SLC4A7: variants seen among roughly 807,000 people sequenced by gnomAD.
SLC4A7 encodes the protein solute carrier family 4 member 7.
In SLC4A7, 51 loss-of-function variants were observed where a neutral mutation model predicts 137.6. The observed-to-expected ratio is 0.37, with a 90% CI of 0.30 to 0.47. SLC4A7 has a LOEUF of 0.47. Ranked by LOEUF, SLC4A7 falls within the 20% of genes least tolerant of loss-of-function variation. The probability of loss-of-function intolerance (pLI) is 1.00; values close to 1 mark genes in which losing one functional copy is unlikely to be tolerated. For missense variants in SLC4A7, 1,247 were observed against 1,525.4 expected (o/e 0.82, Z 3.04); for synonymous variants, 542 against 518.6 (o/e 1.05, Z -0.61).
At chr3:27,426,028 C>G (rs2055576894) in intron 7 of SLC4A7, among the ~76,000 whole-genome samples, 1 of 152,130 alleles carries the variant, frequency 6.6e-6, no homozygotes, top group South Asian at 2.1e-4. Context: ...ATCAGATATA[C>G]CTGACACATC....
In SLC4A7 at chr3:27,436,484, T is replaced by C. The variant is rs1162211263; in HGVS notation, c.493A>G (p.Thr165Ala). ...GDRWSKPYVA[T>A]LSLHSLFELR... ...TCAAAAAGACTGTGCAAAGAGAGAG[T>C]TGCCACATAAGGTTTACTCCATCGG... The change falls in exon 5 of 26, where the codon ACT (threonine) becomes GCT (alanine). Residue 165 changes from threonine to alanine, a missense_variant. Coordinates refer to ENST00000454389, the MANE Select transcript of SLC4A7 (RefSeq NM_001321103.2). 9.9e-6 allele frequency: 16 copies of C among 1,613,314 alleles called. No individual in the cohort carries two copies. Among genetic ancestry groups the C allele is most frequent in the East Asian group, 2.2e-5 (1 of 44,852 alleles).
rs187422864 is a variant in SLC4A7, at chr3:27,456,159, G to C, written c.61-3661C>G. On this transcript the variant is annotated intron_variant, in intron 1 of 25. Coordinates refer to ENST00000454389, the MANE Select transcript of SLC4A7 (RefSeq NM_001321103.2). ...TTAAAAGACACCTTTAAAATATAGT[G>C]TCTAATATCCTTTTGACACCCTAAG... Among the ~76,000 whole-genome samples the C allele has an allele frequency of 9.8e-4, 149 of 152,202 alleles. 1 individual carries two copies. Among genetic ancestry groups the C allele is most frequent in the Middle Eastern group, 3.4e-3 (1 of 294 alleles).
intron 1 of SLC4A7, among the ~76,000 whole-genome samples, chr3:27,469,141 T>C (rs1176267613): frequency 6.6e-6 from 1 of 152,026 alleles, no homozygotes; most frequent in Admixed American, 6.6e-5. Flanking sequence ...ATACTAGGTA[T>C]TAGTACTCTT....
At chr3:27,465,285 G>A (rs1459309718) in intron 1 of SLC4A7, among the ~76,000 whole-genome samples, 14 of 97,840 alleles carry the variant, frequency 1.4e-4, no homozygotes, top group African/African-American at 5.6e-4. Flanking sequence ...GCAAGACTCC[G>A]TCTCAAAAAA....
intron 1 of SLC4A7, among the ~76,000 whole-genome samples, chr3:27,475,234 T>C (rs933038457): frequency 6.6e-6 from 1 of 151,886 alleles, no homozygotes; most frequent in Non-Finnish European, 1.5e-5. Flanking sequence ...TCTACAATTT[T>C]ATTATGTAGG....
intron 12 of SLC4A7, among the ~76,000 whole-genome samples, chr3:27,411,417 A>G (rs2053887778): frequency 6.6e-6 from 1 of 151,906 alleles, no homozygotes; most frequent in African/African-American, 2.4e-5. Flanking sequence ...CTGAATATAC[A>G]GTCCATTATT....
At chr3:27,458,425 G>C (rs1014119954) in intron 1 of SLC4A7, among the ~76,000 whole-genome samples, 1 of 152,126 alleles carries the variant, frequency 6.6e-6, no homozygotes, top group Non-Finnish European at 1.5e-5. Flanking sequence ...CTGACTGTAC[G>C]TAACAGGTGA....
rs6799847 is a variant in SLC4A7, at chr3:27,398,397, G to A, written c.2428-44C>T. The stretch of plus-strand genomic sequence containing the variant: ...AAAAAGCAGAATGGGGGATTCTTAC[G>A]TATTCAATAAATTATTATGAGCTTC... On this transcript the variant is annotated intron_variant, in intron 16 of 25. Transcript: ENST00000454389. The A allele has an allele frequency of 5.8e-3, 8,762 of 1,515,980 alleles. 436 individuals are homozygous for A. In the African/African-American group the frequency reaches 0.11, roughly 19 times the overall value. 93.9% of individuals were successfully genotyped at this position (1,515,980 alleles called of 1,614,324 possible).
intron 7 of SLC4A7, 47 bp downstream of exon 7, chr3:27,431,251 G>T: frequency 6.6e-7 from 1 of 1,517,592 alleles, no homozygotes; most frequent in South Asian, 1.3e-5. Context: ...AAGTGCAAGT[G>T]ACTCAGAGGC....
At chr3:27,459,073 C>A (rs1456629655) in intron 1 of SLC4A7, among the ~76,000 whole-genome samples, 1 of 152,102 alleles carries the variant, frequency 6.6e-6, no homozygotes, top group Non-Finnish European at 1.5e-5. Context: ...TTGGCCCTCC[C>A]CACCAGTACT....
chr3:27,405,401 A>G (rs1220392263), intron 13 of SLC4A7, among the ~76,000 whole-genome samples: 2 of 152,200 alleles, frequency 1.3e-5, no homozygotes, highest in Non-Finnish European at 2.9e-5. Flanking sequence ...AGGGATACTC[A>G]ACCTGTGCTG....
At chr3:27,419,639 A>G (rs2054750622) in intron 10 of SLC4A7, among the ~76,000 whole-genome samples, 1 of 151,036 alleles carries the variant, frequency 6.6e-6, no homozygotes, top group African/African-American at 2.4e-5. Context: ...CCCGGCCAAA[A>G]GTTTAAATTT....
At chr3:27,455,399 G>A (rs1410309314) in intron 1 of SLC4A7, among the ~76,000 whole-genome samples, 2 of 152,026 alleles carry the variant, frequency 1.3e-5, no homozygotes. Flanking sequence ...GTATTTATTT[G>A]TATTAAGTAA....
At position 27,403,166 on chromosome 3, in the gene SLC4A7, T is replaced by C. The variant is rs75615379; in HGVS notation, c.2294A>G (p.Asn765Ser). Residue 765 changes from asparagine (N) to serine (S), a missense_variant, in exon 15 of 26, where the codon AAC (asparagine) becomes AGC (serine). Physicochemically the swap from Asn to Ser is conservative, Grantham distance 46. Coordinates refer to ENST00000454389, the MANE Select transcript of SLC4A7 (RefSeq NM_001321103.2). Reference protein sequence around the residue: ...LGETYAFNMHNNLDKLTSYSC... With the variant: ...LGETYAFNMHSNLDKLTSYSC... ...GTAGCTGGTCAGTTTATCTAAGTTG[T>C]TGTGCATATTAAATGCATATGTTTC... 2.9e-3 allele frequency: 4,740 copies of C among 1,612,314 alleles called. 112 individuals are homozygous for C. The East Asian group carries it at 0.064, about 22-fold the overall frequency.
intron 24 of SLC4A7, among the ~76,000 whole-genome samples, chr3:27,380,551 T>C (rs2050323732): frequency 6.6e-6 from 1 of 152,138 alleles, no homozygotes; most frequent in Non-Finnish European, 1.5e-5. Context: ...ACAAACAAGA[T>C]ACAAATACAA....
intron 2 of SLC4A7, among the ~76,000 whole-genome samples, chr3:27,449,573 G>C (rs1017476731): frequency 6.6e-6 from 1 of 152,076 alleles, no homozygotes; most frequent in Non-Finnish European, 1.5e-5. Context: ...TAAAGTTATT[G>C]CATGCTTTTA....
chr3:27,378,297 C>A (rs984817936), intron 25 of SLC4A7, among the ~76,000 whole-genome samples: 2 of 152,142 alleles, frequency 1.3e-5, no homozygotes, highest in African/African-American at 4.8e-5. Flanking sequence ...AGAGCTAAGA[C>A]AGCAAGTGAA....
chr3:27,433,782 C>T, intron 6 of SLC4A7, 134 bp downstream of exon 6: 2 of 693,264 alleles, frequency 2.9e-6, no homozygotes, highest in Admixed American at 3.0e-5. Flanking sequence ...TGAAAAGAAA[C>T]AAAGCAGGAA....
At chr3:27,406,797 T>A (rs2053408015) in intron 13 of SLC4A7, among the ~76,000 whole-genome samples, 1 of 152,014 alleles carries the variant, frequency 6.6e-6, no homozygotes, top group Admixed American at 6.6e-5. Context: ...CTAGGCGTGG[T>A]GGTACACACC....
Sources: gnomAD v4.1 joint callset for allele counts (sites outside exome capture counted in the v4.1 genomes callset) on GRCh38, gnomAD v4.1.1 for gene constraint, MANE v1.5 for transcripts, NCBI Gene and HGNC (gene_info 2026-07-23, HGNC 2026-07-21) for gene names.